Variants in GLCCI1 observed in about 807,000 individuals in gnomAD.
The protein encoded by GLCCI1 is glucocorticoid-induced transcript 1 protein.
In GLCCI1, 24 loss-of-function variants were observed where a neutral mutation model predicts 52.2. That is an observed-to-expected ratio of 0.46 (90% CI 0.33 to 0.65). The LOEUF is 0.65. Ranked by LOEUF, GLCCI1 falls within the 30% of genes least tolerant of loss-of-function variation. GLCCI1 has a pLI of 0.02. For synonymous variants in GLCCI1, 310 were observed against 276.5 expected (o/e 1.12, Z -1.20); for missense variants, 704 against 701.5 (o/e 1.00, Z -0.04).
At chr7:8,002,566 C>A (rs38008) in intron 1 of GLCCI1, among the ~76,000 whole-genome samples, 93,403 of 151,996 alleles carry the variant, frequency 0.61, 29,342 homozygotes, top group African/African-American at 0.76. Flanking sequence ...TATTATCTGC[C>A]TAATATGATA....
At position 7,968,836 on chromosome 7, in the gene GLCCI1, G is replaced by C. The variant is rs1780270008; in HGVS notation, c.-515G>C. On this transcript the variant is annotated 5_prime_UTR_variant, in exon 1 of 8. Coordinates refer to ENST00000223145, the MANE Select transcript of GLCCI1 (RefSeq NM_138426.4). ...TGAGGAGTGGGTAGAAGCGGCGGCG[G>C]CGGCGGCGGCGTTTGCGGTGGCGCG... The C allele has an allele frequency of 6.2e-6, 1 of 160,808 alleles. No homozygotes were observed. The highest frequency in any genetic ancestry group is 6.3e-5 in the Admixed American group (1 of 15,958). 10.0% of individuals were successfully genotyped at this position (160,808 alleles called of 1,614,324 possible). A position where few individuals can be genotyped will look rare whatever the true frequency, so the allele number is the denominator to read the frequency against.
chr7:8,076,925 A>G (rs140543820), intron 6 of GLCCI1, among the ~76,000 whole-genome samples: 1 of 152,276 alleles, frequency 6.6e-6, no homozygotes, highest in African/African-American at 2.4e-5. Flanking sequence ...TTTTCTTTGA[A>G]TTGTTAAATT....
intron 2 of GLCCI1, among the ~76,000 whole-genome samples, chr7:8,021,127 A>G (rs933032230): frequency 6.6e-6 from 1 of 152,148 alleles, no homozygotes; most frequent in Non-Finnish European, 1.5e-5. Context: ...GTTTTTTTGA[A>G]TATCATTGCT....
intron 6 of GLCCI1, 54 bp from the exon 7 acceptor site, chr7:8,084,843 C>T: frequency 1.3e-6 from 2 of 1,595,556 alleles, no homozygotes; most frequent in Non-Finnish European, 1.7e-6. Flanking sequence ...GTTTGGAAAT[C>T]AAATTTAAAA....
At chr7:8,078,521 CTG>C (rs772611134) in intron 6 of GLCCI1, 3 of 152,160 alleles carry the variant, frequency 2.0e-5, no homozygotes, top group African/African-American at 4.8e-5. Flanking sequence ...ATTCTACAAA[CTG>C]TTAAAGTTTA....
intron 3 of GLCCI1, among the ~76,000 whole-genome samples, chr7:8,040,276 A>C (rs993255645): frequency 2.0e-5 from 3 of 152,084 alleles, no homozygotes; most frequent in Admixed American, 6.6e-5. Context: ...TTTTGAGCTC[A>C]TGAGTTCAAG....
At chr7:8,046,226 A>G (rs988457100) in intron 3 of GLCCI1, among the ~76,000 whole-genome samples, 1 of 152,226 alleles carries the variant, frequency 6.6e-6, no homozygotes, top group African/African-American at 2.4e-5. Context: ...AAAGAGGTAA[A>G]GAGGTTTAAA....
chr7:8,071,347 G>C (rs182732234), intron 6 of GLCCI1, among the ~76,000 whole-genome samples: 1 of 152,144 alleles, frequency 6.6e-6, no homozygotes, highest in African/African-American at 2.4e-5. Flanking sequence ...CACAGCGCAT[G>C]GTTCTAACAG....
intron 3 of GLCCI1, among the ~76,000 whole-genome samples, chr7:8,029,431 G>A (rs1307211781): frequency 6.6e-6 from 1 of 152,118 alleles, no homozygotes; most frequent in Non-Finnish European, 1.5e-5. Flanking sequence ...AAAACTGGCT[G>A]TAGAAGGAAT....
rs116142829 is a variant in GLCCI1, at chr7:7,994,903, A to C, written c.458-9005A>C. Among the ~76,000 whole-genome samples, 1,330 of 152,208 alleles carry C rather than the reference A, an allele frequency of 8.7e-3. 20 individuals are homozygous for C. The highest frequency in any genetic ancestry group is 0.03 in the African/African-American group (1,245 of 41,540). ...ACACACACACACTCACACACTCTCC[A>C]TATTTGTCCAGGTAATGGTTTCACT... On this transcript the variant is annotated intron_variant, in intron 1 of 7. Coordinates refer to ENST00000223145, the MANE Select transcript of GLCCI1 (RefSeq NM_138426.4).
intron 1 of GLCCI1, among the ~76,000 whole-genome samples, chr7:7,977,996 T>C (rs1780530305): frequency 6.6e-6 from 1 of 152,098 alleles, no homozygotes; most frequent in African/African-American, 2.4e-5. Context: ...AGTTAAGTCA[T>C]AGAAAGGCTA....
intron 3 of GLCCI1, among the ~76,000 whole-genome samples, chr7:8,035,100 G>A (rs1781837239): frequency 6.6e-6 from 1 of 152,168 alleles, no homozygotes. Flanking sequence ...CACTCACTCA[G>A]ATTGTAGCAG....
At chr7:8,075,769 C>G (rs1782863428) in intron 6 of GLCCI1, among the ~76,000 whole-genome samples, 1 of 152,190 alleles carries the variant, frequency 6.6e-6, no homozygotes, top group Non-Finnish European at 1.5e-5. Flanking sequence ...AGGCCAACTA[C>G]TGAGTAGAGT....
chr7:8,049,631 G>A (rs953710426), intron 3 of GLCCI1, among the ~76,000 whole-genome samples: 5 of 151,856 alleles, frequency 3.3e-5, no homozygotes, highest in Admixed American at 6.6e-5. Context: ...TCATTTAATC[G>A]CTTCATTAAA....
rs1780288406 is a variant in GLCCI1 at position 7,969,421 on chromosome 7, G to C, written c.71G>C (p.Arg24Thr). The change falls in exon 1 of 8, where the codon AGG (arginine) becomes ACG (threonine). Residue 24 changes from arginine (R) to threonine (T), a missense_variant. Around this residue, in one of 3 missense-constraint regions of GLCCI1, gnomAD observed 547 missense variants for 524.8 expected, o/e 1.04. Transcript: ENST00000223145. This position sits in a 1 kb window ranked among gnomAD's most constrained non-coding sequence, Gnocchi z 4.9. ...CCTCATCCCCCGTCGCAGAGGATGA[G>C]GCGCAGCGCCGCGGGGTCCCCGCCC... ...QTPHPPSQRM[R>T]RSAAGSPPAV... The C allele has an allele frequency of 2.2e-6, 3 of 1,338,986 alleles. No individual in the cohort carries two copies. The Admixed American group carries it at 8.4e-5, about 37-fold the overall frequency. The allele number at this position is 1,338,986 out of a possible 1,614,324, so 82.9% of individuals were successfully genotyped here.
Position 8,088,819 on chromosome 7 carries a change from G to A in GLCCI1, c.*2281G>A, listed in dbSNP as rs1371990407. On this transcript the variant is annotated 3_prime_UTR_variant, in exon 8 of 8. Transcript: ENST00000223145. ...TATATTAAAGTTTTGAACCAAATGT[G>A]TTAAAGCTTACGCTTTGCCATGTAA... 2.0e-5 allele frequency: 3 copies of A among 152,648 alleles called. No individual in the cohort carries two copies. Among genetic ancestry groups the A allele is most frequent in the African/African-American group, 7.2e-5 (3 of 41,460 alleles). 9.5% of individuals were successfully genotyped at this position (152,648 alleles called of 1,614,324 possible). A position where few individuals can be genotyped will look rare whatever the true frequency, so the allele number is the denominator to read the frequency against.
At chr7:8,052,014 A>G (rs1478335746) in intron 3 of GLCCI1, among the ~76,000 whole-genome samples, 3 of 152,190 alleles carry the variant, frequency 2.0e-5, no homozygotes, top group African/African-American at 7.2e-5. Context: ...AGCTTTAGTC[A>G]CCTTGTCCTG....
chr7:8,084,653 A>T, intron 6 of GLCCI1: 1 of 405,880 alleles, frequency 2.5e-6, no homozygotes, highest in Admixed American at 4.2e-5. Context: ...GTTGTATTCA[A>T]AATGCAGTTT....
chr7:7,970,504 T>C (rs559861327), intron 1 of GLCCI1: 1 of 152,288 alleles, frequency 6.6e-6, no homozygotes, highest in Non-Finnish European at 1.5e-5. Flanking sequence ...GAGATTTTCA[T>C]GGTAAATTTC....
Sources: gnomAD v4.1 joint callset for allele counts (sites outside exome capture counted in the v4.1 genomes callset) on GRCh38, gnomAD v4.1.1 for gene constraint, gnomAD v4.1.1 regional missense constraint, Gnocchi (gnomAD v3.1) non-coding constraint, MANE v1.5 for transcripts, NCBI Gene and HGNC (gene_info 2026-07-23, HGNC 2026-07-21) for gene names.